STMN1: variants seen among roughly 807,000 people sequenced by gnomAD.
STMN1 encodes stathmin 1.
STMN1 carries 3 observed loss-of-function variants against 19.7 expected under a neutral mutation model. That is an observed-to-expected ratio of 0.15 (90% CI 0.07 to 0.39). STMN1 has a LOEUF of 0.39. Among genes scored for constraint, STMN1 ranks in the 10% least tolerant of loss-of-function variants. The pLI, the probability that STMN1 is intolerant of heterozygous loss-of-function variation, is 1.00. For missense variants in STMN1, 99 were observed against 176.0 expected (o/e 0.56, Z 2.48); for synonymous variants, 59 against 58.9 (o/e 1.00, Z -0.01).
intron 2 of STMN1, among the ~76,000 whole-genome samples, chr1:25,904,192 C>G (rs998199965): frequency 6.6e-6 from 1 of 151,934 alleles, no homozygotes; most frequent in African/African-American, 2.4e-5. Context: ...TGGCCCATGT[C>G]GATAGTCCCA....
At chr1:25,897,324 AAAG>A (rs201013847), downstream of STMN1, among the ~76,000 whole-genome samples, 49,105 of 143,734 alleles carry the variant, frequency 0.34, 8,939 homozygotes, top group South Asian at 0.52. Flanking sequence ...AAAAAAAAAA[AAAG>A]AAAAGAAAAA....
intron 4 of STMN1, chr1:25,892,380 CTT>C (rs35541438): frequency 0.015 from 2,658 of 172,526 alleles, 2 homozygotes; most frequent in Non-Finnish European, 0.021. Context: ...CAGAGCAAGA[CTT>C]TTTTTTTTTT....
In STMN1 at chr1:25,903,588, A is replaced by G. The variant is rs2048900432; in HGVS notation, c.186+53T>C. The G allele has an allele frequency of 1.9e-6, 3 of 1,594,480 alleles. No individual in the cohort carries two copies. The Admixed American group carries it at 5.4e-5, about 29-fold the overall frequency. ...TCTTCCTGTTATAGAAATAAAATTG[A>G]TCTGCCCATTACATAAATTAATATC... On this transcript the variant is annotated intron_variant, in intron 3 of 4. Coordinates refer to ENST00000455785, the MANE Select transcript of STMN1 (RefSeq NM_005563.4).
intron 1 of STMN1, chr1:25,905,975 G>A (rs2048939958): frequency 6.6e-6 from 1 of 152,208 alleles, no homozygotes; most frequent in African/African-American, 2.4e-5. Flanking sequence ...GGAGGGTCGC[G>A]GCCCTGGCTG....
At chr1:25,892,505 C>T in intron 4 of STMN1, 3 of 984,564 alleles carry the variant, frequency 3.0e-6, no homozygotes, top group Non-Finnish European at 3.6e-6. Flanking sequence ...CCAGTTCTTT[C>T]TCTCTTACCT....
chr1:25,904,679 T>C lies in STMN1; in HGVS notation c.-3A>G, dbSNP rs1428823232. The C allele has an allele frequency of 6.2e-7, 1 of 1,613,916 alleles. No individual in the cohort carries two copies. The highest frequency in any genetic ancestry group is 8.5e-7 in the Non-Finnish European group (1 of 1,179,916). Reference sequence around the variant, plus strand: ...GATTACCTACCAGAAGAAGCCATGGTGAATAGAAGACAAGCGACAGGCAGT... The same window carrying C: ...GATTACCTACCAGAAGAAGCCATGGCGAATAGAAGACAAGCGACAGGCAGT... On this transcript the variant is annotated 5_prime_UTR_variant, in exon 2 of 5. Coordinates refer to ENST00000455785, the MANE Select transcript of STMN1 (RefSeq NM_005563.4).
At chr1:25,885,668 T>G in exon 5 of STMN1, 1 of 1,493,288 alleles carries the variant, frequency 6.7e-7, no homozygotes, top group Non-Finnish European at 8.9e-7. Context: ...TTGGCCAGAC[T>G]GTTCATCAGT....
intron 4 of STMN1, chr1:25,892,402 T>TA (rs910774889): frequency 2.0e-5 from 6 of 302,930 alleles, no homozygotes; most frequent in African/African-American, 2.7e-5. Flanking sequence ...TTTTTTTTTT[T>TA]AAATAAAATC....
intron 1 of STMN1, chr1:25,905,791 C>T (rs1187425928): frequency 6.6e-6 from 1 of 152,236 alleles, no homozygotes; most frequent in African/African-American, 2.4e-5. Context: ...GCCCCGGGAA[C>T]AGGCCCCCGG....
At chr1:25,896,705 A>G (rs1163228252), downstream of STMN1, among the ~76,000 whole-genome samples, 1 of 152,212 alleles carries the variant, frequency 6.6e-6, no homozygotes, top group Non-Finnish European at 1.5e-5. Context: ...ATCTAAGTGC[A>G]TGTACGAAAC....
At chr1:25,896,596 C>T (rs924844549), downstream of STMN1, among the ~76,000 whole-genome samples, 2 of 152,314 alleles carry the variant, frequency 1.3e-5, no homozygotes, top group South Asian at 2.1e-4. Context: ...CTCTTGGCCA[C>T]GATGGAAGCA....
intron 4 of STMN1, chr1:25,887,498 G>C (rs1030550738): frequency 2.0e-5 from 7 of 349,794 alleles, no homozygotes; most frequent in Non-Finnish European, 3.9e-5. Context: ...TTGCAAATAA[G>C]AGAAATACAT....
chr1:25,896,255 G>A (rs1453975545), downstream of STMN1, among the ~76,000 whole-genome samples: 1 of 152,188 alleles, frequency 6.6e-6, no homozygotes. Context: ...TCATAGGGCT[G>A]TTCTGGGGAT....
At position 25,900,639 on chromosome 1, in the gene STMN1, T is replaced by A; in HGVS notation, c.*377A>T. The A allele has an allele frequency of 1.0e-6, 1 of 999,612 alleles. No homozygotes were observed. Among genetic ancestry groups the A allele is most frequent in the Non-Finnish European group, 1.2e-6 (1 of 839,274 alleles). The allele number at this position is 999,612 out of a possible 1,614,324, so 61.9% of individuals were successfully genotyped here. On this transcript the variant is annotated 3_prime_UTR_variant, in exon 5 of 5. Transcript: ENST00000455785. ...GGTAAGATTGGGACAGAATTGGGAT[T>A]GAAAAGTGAACAGATATTCAGCATC...
intron 3 of STMN1, chr1:25,902,595 C>G (rs1459213947): frequency 6.6e-6 from 1 of 152,248 alleles, no homozygotes. Context: ...GCATCTGACA[C>G]TGGTTCTATT....
At chr1:25,901,108 GTCA>G (rs2048867039) in intron 4 of STMN1, 21 bp from the exon 5 acceptor site, 1 of 986,820 alleles carries the variant, frequency 1.0e-6, no homozygotes, top group Admixed American at 2.5e-5. Context: ...AGGGTAAGGT[GTCA>G]TCAGTCAAAA....
intron 4 of STMN1, chr1:25,892,734 G>T: frequency 9.8e-6 from 3 of 306,238 alleles, no homozygotes; most frequent in Non-Finnish European, 1.4e-5. Context: ...ACTACCCCAG[G>T]CTTTGCAGTG....
At chr1:25,899,179 T>C (rs1281518385), downstream of STMN1, among the ~76,000 whole-genome samples, 1 of 152,208 alleles carries the variant, frequency 6.6e-6, no homozygotes, top group Non-Finnish European at 1.5e-5. Flanking sequence ...GGCCTGTTGA[T>C]CCTTCCCTTG....
At chr1:25,904,996 A>G in intron 1 of STMN1, 1 of 326,276 alleles carries the variant, frequency 3.1e-6, no homozygotes. Context: ...TTAAAATCAG[A>G]CAAAGTCACA....
Sources: allele counts gnomAD v4.1 joint callset (sites outside exome capture counted in the v4.1 genomes callset), GRCh38; gene constraint gnomAD v4.1.1; transcripts MANE v1.5; gene names NCBI Gene and HGNC (gene_info 2026-07-23, HGNC 2026-07-21).